ATP2C1: variants seen among roughly 807,000 people sequenced by gnomAD.
The protein encoded by ATP2C1 is ATPase secretory pathway Ca2+ transporting 1, also known as calcium-transporting ATPase type 2C member 1.
ATP2C1 carries 31 observed loss-of-function variants against 120.5 expected under a neutral mutation model. The ratio of observed to expected loss-of-function variants is 0.26; its 90% CI spans 0.19 to 0.35. ATP2C1 has a LOEUF of 0.35. ATP2C1 is among the 10% of genes least tolerant of loss of function. The probability of loss-of-function intolerance (pLI) is 1.00; values close to 1 mark genes in which losing one functional copy is unlikely to be tolerated. For synonymous variants in ATP2C1, 351 were observed against 358.7 expected, an observed-to-expected ratio of 0.98 and a Z score of 0.24; for missense variants, 731 against 1,107.5, an observed-to-expected ratio of 0.66 and a Z score of 4.83.
intron 20 of ATP2C1, among the ~76,000 whole-genome samples, chr3:130,983,095 CAT>C (rs199917612): frequency 2.0e-5 from 3 of 151,132 alleles, no homozygotes; most frequent in East Asian, 3.9e-4. Context: ...GCATAGCATG[CAT>C]ATATATATAT....
exon 1 of ATP2C1, chr3:130,850,872 C>G: frequency 6.9e-7 from 1 of 1,442,202 alleles, no homozygotes; most frequent in Non-Finnish European, 9.1e-7. Context: ...AAAATATCCT[C>G]TCCATGCAAT....
At chr3:130,973,136 A>G (rs2061404449) in intron 17 of ATP2C1, among the ~76,000 whole-genome samples, 1 of 152,178 alleles carries the variant, frequency 6.6e-6, no homozygotes, top group Non-Finnish European at 1.5e-5. Context: ...GGTAATAGGA[A>G]TAGGTAATAG....
intron 2 of ATP2C1, among the ~76,000 whole-genome samples, chr3:130,923,272 G>T (rs1415678287): frequency 1.3e-5 from 2 of 151,690 alleles, no homozygotes; most frequent in Non-Finnish European, 2.9e-5. Flanking sequence ...TGTTACCCAG[G>T]CTGGAGTGTA....
chr3:130,984,416 C>T (rs2061904546), intron 20 of ATP2C1, among the ~76,000 whole-genome samples: 1 of 152,144 alleles, frequency 6.6e-6, no homozygotes, highest in East Asian at 1.9e-4. Flanking sequence ...CTGAATTGTC[C>T]TCTGAAAAAG....
chr3:130,853,638 A>C (rs1350051410), intron 1 of ATP2C1, among the ~76,000 whole-genome samples: 3 of 152,172 alleles, frequency 2.0e-5, no homozygotes, highest in Non-Finnish European at 2.9e-5. Flanking sequence ...GCTCAGTGAA[A>C]AGCTTTCTCC....
intron 1 of ATP2C1, among the ~76,000 whole-genome samples, chr3:130,877,726 G>T: frequency 6.6e-6 from 1 of 152,184 alleles, no homozygotes; most frequent in Non-Finnish European, 1.5e-5. Flanking sequence ...GGAAGTCAGT[G>T]TGGCGATTCC....
rs549553893 is a variant in ATP2C1 at position 130,945,873 on chromosome 3, G to A, written c.531+4174G>A. Among the ~76,000 whole-genome samples the A allele has an allele frequency of 5.3e-5, 8 of 150,454 alleles. No individual in the cohort carries two copies. The South Asian group carries it at 1.1e-3, about 20-fold the overall frequency. The stretch of plus-strand genomic sequence containing the variant: ...AGAACTCTTTGTAAGAAAAAACAGC[G>A]TGAGGGTCAGATGGAAAAAGGTTGT... On this transcript the variant is annotated intron_variant, in intron 8 of 27. Coordinates refer to ENST00000510168, the MANE Select transcript of ATP2C1 (RefSeq NM_001378687.1).
intron 1 of ATP2C1, among the ~76,000 whole-genome samples, chr3:130,880,410 TA>T (rs1224086425): frequency 1.3e-5 from 2 of 152,198 alleles, no homozygotes; most frequent in Non-Finnish European, 2.9e-5. Flanking sequence ...CCAATTCGCC[TA>T]AATATTGGAC....
At chr3:130,863,304 G>C (rs934981002) in intron 1 of ATP2C1, among the ~76,000 whole-genome samples, 1 of 152,094 alleles carries the variant, frequency 6.6e-6, no homozygotes, top group African/African-American at 2.4e-5. Context: ...AGACTCCTCT[G>C]CCACCATTTA....
intron 20 of ATP2C1, among the ~76,000 whole-genome samples, chr3:130,987,076 C>T (rs924832118): frequency 2.7e-5 from 4 of 147,996 alleles, no homozygotes; most frequent in Non-Finnish European, 6.0e-5. Flanking sequence ...GTAGCTGGAA[C>T]TGTAGGTGCT....
intron 17 of ATP2C1, among the ~76,000 whole-genome samples, chr3:130,973,542 G>A (rs955410984): frequency 1.3e-5 from 2 of 152,110 alleles, no homozygotes; most frequent in African/African-American, 4.8e-5. Flanking sequence ...AGTGATTAAT[G>A]GGCAGGGAGC....
intron 8 of ATP2C1, among the ~76,000 whole-genome samples, chr3:130,944,802 A>G (rs370914792): frequency 2.6e-5 from 4 of 152,186 alleles, no homozygotes; most frequent in East Asian, 3.8e-4. Context: ...CTTGGTATCC[A>G]CTGAGGATCG....
chr3:130,879,347 G>T (rs2068710026), intron 1 of ATP2C1, among the ~76,000 whole-genome samples: 1 of 152,088 alleles, frequency 6.6e-6, no homozygotes, highest in South Asian at 2.1e-4. Flanking sequence ...GATTACAGGT[G>T]TGAATCACCA....
chr3:130,935,879 T>C (rs1297616839), intron 5 of ATP2C1, among the ~76,000 whole-genome samples: 1 of 151,912 alleles, frequency 6.6e-6, no homozygotes, highest in Non-Finnish European at 1.5e-5. Flanking sequence ...ATGAAACTCT[T>C]TTGTATATTG....
intron 5 of ATP2C1, among the ~76,000 whole-genome samples, chr3:130,936,748 C>T (rs1340513819): frequency 7.3e-5 from 10 of 137,490 alleles, no homozygotes; most frequent in South Asian, 2.6e-4. Flanking sequence ...ACCCCGGAGG[C>T]GGAGCTTGCA....
At position 130,929,386 on chromosome 3, in the gene ATP2C1, C is replaced by G. The variant is rs72983797; in HGVS notation, c.7-1030C>G. On this transcript the variant is annotated intron_variant, in intron 2 of 27. Coordinates refer to ENST00000510168, the MANE Select transcript of ATP2C1 (RefSeq NM_001378687.1). Reference sequence around the variant, plus strand: ...GTGTGCAGGCCTCTGTAATGACACTCTAATGTAGTAGAATCTTCTTTGATT... The same window carrying G: ...GTGTGCAGGCCTCTGTAATGACACTGTAATGTAGTAGAATCTTCTTTGATT... Among the ~76,000 whole-genome samples, 781 of 152,222 alleles carry G rather than the reference C, an allele frequency of 5.1e-3. 6 individuals are homozygous for G. The highest frequency in any genetic ancestry group is 0.018 in the African/African-American group (749 of 41,528).
rs550858649 is a variant in ATP2C1 at position 130,942,617 on chromosome 3, T to G, written c.531+918T>G. Among the ~76,000 whole-genome samples, 120 of 152,352 alleles carry G rather than the reference T, an allele frequency of 7.9e-4. No homozygotes were observed. In the Middle Eastern group the frequency reaches 0.01, roughly 13 times the overall value. On this transcript the variant is annotated intron_variant, in intron 8 of 27. Transcript: ENST00000510168. ...ATAAGAACAAACTTGGCTTAATCTT[T>G]CAGCAGAGGCCTTTTTTCCAAATAT...
intron 4 of ATP2C1, among the ~76,000 whole-genome samples, chr3:130,934,355 G>A (rs967626027): frequency 1.2e-4 from 19 of 152,036 alleles, no homozygotes; most frequent in African/African-American, 4.6e-4. Context: ...ACCAAAAATT[G>A]CTGTATACTA....
intron 6 of ATP2C1, among the ~76,000 whole-genome samples, chr3:130,937,725 G>T (rs78756534): frequency 2.5e-3 from 387 of 152,198 alleles, no homozygotes; most frequent in African/African-American, 9.0e-3. Flanking sequence ...GAAGCAGATG[G>T]AAACAAAAAG....
Sources: gnomAD v4.1 joint callset for allele counts (sites outside exome capture counted in the v4.1 genomes callset) on GRCh38, gnomAD v4.1.1 for gene constraint, MANE v1.5 for transcripts, NCBI Gene and HGNC (gene_info 2026-07-23, HGNC 2026-07-21) for gene names.